RNF19A: variants seen among roughly 807,000 people sequenced by gnomAD.
The protein encoded by RNF19A is ring finger protein 19A, RBR E3 ubiquitin protein ligase, also known as E3 ubiquitin-protein ligase RNF19A.
Under a neutral mutation model 75.7 loss-of-function variants are expected in RNF19A, and 32 were observed. That is an observed-to-expected ratio of 0.42 (90% CI 0.32 to 0.57). RNF19A has a LOEUF of 0.57. Ranked by LOEUF, RNF19A falls within the 20% of genes least tolerant of loss-of-function variation. RNF19A has a pLI of 0.10. For missense variants in RNF19A, 782 were observed against 1,036.3 expected (o/e 0.75, Z 3.37); for synonymous variants, 335 against 345.2 (o/e 0.97, Z 0.33).
At chr8:100,318,447 T>C (rs982068962) in intron 1 of RNF19A, among the ~76,000 whole-genome samples, 6 of 152,230 alleles carry the variant, frequency 3.9e-5, no homozygotes, top group Non-Finnish European at 7.3e-5. Context: ...TTTATCAATT[T>C]TGAAACAAGG....
chr8:100,275,117 G>C lies in RNF19A; in HGVS notation c.719C>G (p.Thr240Ser). Residue 240 changes from threonine to serine, a missense_variant, in exon 3 of 10, where the codon ACT becomes AGT. Thr to Ser is a moderately conservative substitution (Grantham distance 58). Around this residue, in one of 7 missense-constraint regions of RNF19A, gnomAD observed 85 missense variants for 177.7 expected, o/e 0.48. Coordinates refer to ENST00000341084, the MANE Select transcript of RNF19A (RefSeq NM_183419.4). This position sits in a 1 kb window ranked among gnomAD's most constrained non-coding sequence, Gnocchi z 4.3. ...AFGCASCPKL[T>S]CGREGCGTEF... ...TGTTCCACAGCCCTCTCGCCCACAA[G>C]TTAATTTTGGACAGCTGGCACATCC... The C allele has an allele frequency of 6.2e-7, 1 of 1,614,040 alleles. No homozygotes were observed. The highest frequency in any genetic ancestry group is 8.5e-7 in the Non-Finnish European group (1 of 1,179,994).
In RNF19A at chr8:100,257,688, G is replaced by A. The variant is rs1819520117; in HGVS notation, c.*868C>T. 3.9e-6 allele frequency: 1 copy of A among 253,964 alleles called. No individual in the cohort carries two copies. Among genetic ancestry groups the A allele is most frequent in the African/African-American group, 2.2e-5 (1 of 45,174 alleles). The allele number at this position is 253,964 out of a possible 1,614,324, so 15.7% of individuals were successfully genotyped here. A position where few individuals can be genotyped will look rare whatever the true frequency, so the allele number is the denominator to read the frequency against. On this transcript the variant is annotated 3_prime_UTR_variant, in exon 10 of 10. Transcript: ENST00000341084. ...TATATAATCCAAGGTGACCAGAGAA[G>A]ACATGGAAAACAACACAGCAAAATC...
At chr8:100,279,226 T>C (rs1488358117) in intron 2 of RNF19A, among the ~76,000 whole-genome samples, 2 of 152,180 alleles carry the variant, frequency 1.3e-5, no homozygotes, top group African/African-American at 4.8e-5. Flanking sequence ...AGTGAATATT[T>C]AGAATTTTTA....
intron 1 of RNF19A, chr8:100,309,280 T>A: frequency 1.0e-6 from 1 of 981,812 alleles, no homozygotes; most frequent in African/African-American, 1.7e-5. Flanking sequence ...AAGGAGGTGG[T>A]AGCAGTCCCG....
intron 5 of RNF19A, among the ~76,000 whole-genome samples, chr8:100,267,698 T>C (rs1820049983): frequency 1.4e-5 from 2 of 144,632 alleles, no homozygotes; most frequent in Admixed American, 7.1e-5. Context: ...TTTTTTGAGA[T>C]GGAGTTTTGC....
intron 1 of RNF19A, among the ~76,000 whole-genome samples, chr8:100,297,446 T>A (rs1821620230): frequency 6.6e-6 from 1 of 152,226 alleles, no homozygotes; most frequent in African/African-American, 2.4e-5. Context: ...TCATTTTCCT[T>A]CTGAGCACAA....
In RNF19A at chr8:100,260,129, T is replaced by C. The variant is rs1360202132; in HGVS notation, c.1683-132A>G. The C allele has an allele frequency of 4.0e-6, 3 of 758,826 alleles. No homozygotes were observed. Among genetic ancestry groups the C allele is most frequent in the African/African-American group, 3.6e-5 (2 of 56,214 alleles). The allele number at this position is 758,826 out of a possible 1,614,324, so 47.0% of individuals were successfully genotyped here. A position where few individuals can be genotyped will look rare whatever the true frequency, so the allele number is the denominator to read the frequency against. ...TAGGAACCATTATTTTTTATTTCCTTTTATTTAATTTAAATTCTACTGCAG... is the reference window on the plus strand; with the variant it reads ...TAGGAACCATTATTTTTTATTTCCTCTTATTTAATTTAAATTCTACTGCAG... On this transcript the variant is annotated intron_variant, in intron 8 of 9. Coordinates refer to ENST00000341084, the MANE Select transcript of RNF19A (RefSeq NM_183419.4). This position sits in a 1 kb window ranked among gnomAD's most constrained non-coding sequence, Gnocchi z 4.1.
In RNF19A at chr8:100,258,696, T is replaced by C; in HGVS notation, c.2377A>G (p.Asn793Asp). The change falls in exon 10 of 10, where the codon AAT (asparagine) becomes GAT (aspartate). Residue 793 changes from asparagine (N) to aspartate (D), a missense_variant. Asn to Asp is a conservative substitution (Grantham distance 23). Around this residue, in one of 7 missense-constraint regions of RNF19A, gnomAD observed 442 missense variants for 541.6 expected, o/e 0.82. Transcript: ENST00000341084. The surrounding 1 kb of genome is among the most constrained non-coding windows in gnomAD (Gnocchi z 4.3). ...TTACCATGTTCTTCAGCAATATGAT[T>C]CAACTGTGAAACTTCTGAACAGGAA... ...TASCSEVSQL[N>D]HIAEEHGNNG... 6.2e-7 allele frequency: 1 copy of C among 1,614,218 alleles called. No individual in the cohort carries two copies. The highest frequency in any genetic ancestry group is 1.1e-5 in the South Asian group (1 of 91,086).
At chr8:100,278,555 C>T (rs1297429149) in intron 2 of RNF19A, among the ~76,000 whole-genome samples, 3 of 152,096 alleles carry the variant, frequency 2.0e-5, no homozygotes, top group Admixed American at 6.5e-5. Context: ...AAACAATTTA[C>T]AGCTAATATG....
chr8:100,260,322 A>G lies in RNF19A; in HGVS notation c.1683-325T>C, dbSNP rs2132481422. ...TTGTAATGTTTCAATGCAAAACACA[A>G]AGTTAGAATACATTATTAATCATTA... On this transcript the variant is annotated intron_variant, in intron 8 of 9. Transcript: ENST00000341084. The surrounding 1 kb of genome is among the most constrained non-coding windows in gnomAD (Gnocchi z 4.1). Among the ~76,000 whole-genome samples the G allele has an allele frequency of 6.6e-6, 1 of 152,334 alleles. No homozygotes were observed. Among genetic ancestry groups the G allele is most frequent in the African/African-American group, 2.4e-5 (1 of 41,586 alleles).
At chr8:100,271,839 T>C (rs181704528) in intron 3 of RNF19A, among the ~76,000 whole-genome samples, 2 of 152,300 alleles carry the variant, frequency 1.3e-5, no homozygotes, top group Non-Finnish European at 2.9e-5. Flanking sequence ...AATACCCTCA[T>C]GATGCAAAAA....
chr8:100,262,037 TTTCA>T (rs1819742541), intron 7 of RNF19A, among the ~76,000 whole-genome samples: 1 of 152,180 alleles, frequency 6.6e-6, no homozygotes, highest in Non-Finnish European at 1.5e-5. Context: ...ATGTGACAGT[TTTCA>T]TTAAGGGTGT....
chr8:100,313,811 T>A (rs1325757499), upstream of RNF19A, among the ~76,000 whole-genome samples: 1 of 151,896 alleles, frequency 6.6e-6, no homozygotes. Context: ...CAGAAGTGGA[T>A]GGTTTTGGTT....
chr8:100,264,783 A>G lies in RNF19A; in HGVS notation c.1194T>C (p.Ile398=). The G allele has an allele frequency of 6.2e-7, 1 of 1,608,950 alleles. No homozygotes were observed. Among genetic ancestry groups the G allele is most frequent in the Non-Finnish European group, 8.5e-7 (1 of 1,175,900 alleles). ...CATCCTTGCCTTCATAGCGATTGTGAATCTTGAATTAATAAAAATAGGGGT... is the reference window on the plus strand; with the variant it reads ...CATCCTTGCCTTCATAGCGATTGTGGATCTTGAATTAATAAAAATAGGGGT... ...IGIPVYVGRK[I]HNRYEGKDVS... The change falls in exon 6 of 10, where the codon ATT becomes ATC. Residue 398 remains isoleucine (I), a splice_region_variant and synonymous_variant. Coordinates refer to ENST00000341084, the MANE Select transcript of RNF19A (RefSeq NM_183419.4). This position sits in a 1 kb window ranked among gnomAD's most constrained non-coding sequence, Gnocchi z 4.7.
At chr8:100,326,236 T>C (rs1822532071) in intron 1 of RNF19A, among the ~76,000 whole-genome samples, 2 of 152,112 alleles carry the variant, frequency 1.3e-5, no homozygotes, top group African/African-American at 4.8e-5. Context: ...CTTTTTCTGT[T>C]CTTTCTTCTG....
At chr8:100,316,767 G>T (rs1040056738) in intron 1 of RNF19A, among the ~76,000 whole-genome samples, 1 of 152,250 alleles carries the variant, frequency 6.6e-6, no homozygotes, top group Non-Finnish European at 1.5e-5. Flanking sequence ...CGCACCGTGC[G>T]CTCTCGCACT....
chr8:100,305,683 G>T (rs1174736409), intron 1 of RNF19A, among the ~76,000 whole-genome samples: 1 of 152,054 alleles, frequency 6.6e-6, no homozygotes, highest in Non-Finnish European at 1.5e-5. Flanking sequence ...ATACTTATTC[G>T]ACATCTTTTA....
chr8:100,329,447 A>C lies in RNF19A; in HGVS notation c.-243+6661T>G, dbSNP rs1293988596. 6.6e-6 allele frequency among the ~76,000 whole-genome samples: 1 copy of C among 151,910 alleles called. No individual in the cohort carries two copies. The highest frequency in any genetic ancestry group is 1.5e-5 in the Non-Finnish European group (1 of 68,040). On this transcript the variant is annotated intron_variant, in intron 1 of 3. Coordinates refer to the RNF19A transcript ENST00000519527. This position sits in a 1 kb window ranked among gnomAD's most constrained non-coding sequence, Gnocchi z 4.3. ...TGCTGCAAAAACAAAACAAAACAAA[A>C]CAAACAAACAAACAAAAAAAGTCAG...
intron 1 of RNF19A, among the ~76,000 whole-genome samples, chr8:100,321,101 G>A (rs961138972): frequency 7.9e-5 from 12 of 152,114 alleles, no homozygotes; most frequent in African/African-American, 2.7e-4. Context: ...TAGCTGTGGC[G>A]GTTTCTTAAA....
Sources: allele counts gnomAD v4.1 joint callset (sites outside exome capture counted in the v4.1 genomes callset), GRCh38; gene constraint gnomAD v4.1.1; regional missense constraint gnomAD v4.1.1; non-coding constraint Gnocchi (gnomAD v3.1); transcripts MANE v1.5; gene names NCBI Gene and HGNC (gene_info 2026-07-23, HGNC 2026-07-21).